LSAMP: variants seen among roughly 807,000 people sequenced by gnomAD.
The protein encoded by LSAMP is limbic system associated membrane protein, also known as limbic system-associated membrane protein.
A neutral mutation model predicts 38.6 loss-of-function variants in LSAMP; 7 were observed. That is an observed-to-expected ratio of 0.18 (90% CI 0.10 to 0.34). The LOEUF is 0.34. LSAMP is among the 10% of genes least tolerant of loss of function. LSAMP has a pLI of 1.00. For synonymous variants in LSAMP, 154 were observed against 166.8 expected (o/e 0.92, Z 0.59); for missense variants, 313 against 420.0 (o/e 0.75, Z 2.23).
intron 1 of LSAMP, among the ~76,000 whole-genome samples, chr3:116,116,094 A>AT (rs771453075): frequency 2.3e-5 from 3 of 128,472 alleles, no homozygotes; most frequent in Non-Finnish European, 5.0e-5. Context: ...CCTATAATAT[A>AT]TTTTTTTCTT....
intron 1 of LSAMP, among the ~76,000 whole-genome samples, chr3:116,301,246 G>A (rs528906890): frequency 6.6e-6 from 1 of 152,150 alleles, no homozygotes; most frequent in Non-Finnish European, 1.5e-5. Context: ...ATTTTACCAA[G>A]GCTGAAGAGT....
chr3:116,276,309 C>T (rs1432188995), intron 1 of LSAMP, among the ~76,000 whole-genome samples: 1 of 152,172 alleles, frequency 6.6e-6, no homozygotes, highest in East Asian at 1.9e-4. Flanking sequence ...AAAGATCAGT[C>T]TTTGCACAAT....
intron 3 of LSAMP, among the ~76,000 whole-genome samples, chr3:115,871,729 C>T (rs1233439937): frequency 6.6e-6 from 1 of 151,894 alleles, no homozygotes; most frequent in Non-Finnish European, 1.5e-5. Context: ...GCTAGACTTT[C>T]CTTGGTTACT....
chr3:116,067,722 A>G (rs1397798369), intron 2 of LSAMP, among the ~76,000 whole-genome samples: 1 of 152,120 alleles, frequency 6.6e-6, no homozygotes. Context: ...ACTTGATATG[A>G]CTGTCTGATA....
chr3:115,962,328 G>A (rs1055805703), intron 3 of LSAMP, among the ~76,000 whole-genome samples: 1 of 152,164 alleles, frequency 6.6e-6, no homozygotes, highest in Non-Finnish European at 1.5e-5. Context: ...GAGGCAATGA[G>A]TATGATAGTA....
At position 116,242,978 on chromosome 3, in the gene LSAMP, G is replaced by T. The variant is rs117781824; in HGVS notation, c.156-156422C>A. On this transcript the variant is annotated intron_variant, in intron 1 of 6. Transcript: ENST00000490035. ...TAATTCTCTATGAGTCATTAAGAGTGAGAGAAATTAATGTAGAGACTTGAT... is the reference window on the plus strand; with the variant it reads ...TAATTCTCTATGAGTCATTAAGAGTTAGAGAAATTAATGTAGAGACTTGAT... Among the ~76,000 whole-genome samples, 180 of 152,236 alleles carry T rather than the reference G, an allele frequency of 1.2e-3. 5 individuals are homozygous for T. In the East Asian group the frequency reaches 0.031, roughly 26 times the overall value.
intron 1 of LSAMP, among the ~76,000 whole-genome samples, chr3:116,154,127 G>A (rs1353824350): frequency 2.6e-5 from 4 of 152,098 alleles, no homozygotes; most frequent in African/African-American, 9.7e-5. Context: ...CTTTCCTGCT[G>A]TTTTGTTATA....
At chr3:115,911,782 A>AATTTTAC (rs1322189666) in intron 3 of LSAMP, among the ~76,000 whole-genome samples, 1 of 152,222 alleles carries the variant, frequency 6.6e-6, no homozygotes, top group Non-Finnish European at 1.5e-5. Flanking sequence ...ATGGCTATAC[A>AATTTTAC]ATTTTACATT....
rs370491685 is a variant in LSAMP, at chr3:116,407,967, TAAG to T, written c.155+36907_155+36909del. ...TATACTATTATAGAACCATGATGAA[TAAG>T]AAGGTACATCAGAGCCTAATGTAAG... On this transcript the variant is annotated intron_variant, in intron 1 of 6. Transcript: ENST00000490035. Among the ~76,000 whole-genome samples the T allele has an allele frequency of 2.6e-4, 40 of 152,154 alleles. No individual in the cohort carries two copies. In the South Asian group the frequency reaches 3.5e-3, roughly 13 times the overall value.
At chr3:116,410,712 C>T (rs1417236254) in intron 1 of LSAMP, among the ~76,000 whole-genome samples, 2 of 152,064 alleles carry the variant, frequency 1.3e-5, no homozygotes, top group Admixed American at 6.6e-5. Context: ...GATCCAACCC[C>T]ATAGCCACAT....
At chr3:116,425,811 G>A (rs2049187139) in intron 1 of LSAMP, among the ~76,000 whole-genome samples, 1 of 151,394 alleles carries the variant, frequency 6.6e-6, no homozygotes, top group Non-Finnish European at 1.5e-5. Context: ...TTGAGAGGAG[G>A]ATGGGCTTAA....
chr3:115,832,499 C>T (rs1012972512), intron 6 of LSAMP, among the ~76,000 whole-genome samples: 3 of 152,122 alleles, frequency 2.0e-5, no homozygotes, highest in African/African-American at 7.2e-5. Context: ...ACTTAACTGG[C>T]ACCATAAAAA....
intron 1 of LSAMP, among the ~76,000 whole-genome samples, chr3:116,410,218 T>C (rs1240128532): frequency 6.7e-6 from 1 of 150,092 alleles, no homozygotes; most frequent in Non-Finnish European, 1.5e-5. Context: ...TAGACAGTTA[T>C]ACCGAATAGG....
intron 1 of LSAMP, among the ~76,000 whole-genome samples, chr3:116,284,435 C>A (rs1022088821): frequency 6.6e-6 from 1 of 152,056 alleles, no homozygotes; most frequent in Non-Finnish European, 1.5e-5. Flanking sequence ...TCAAAAGGAC[C>A]TTGGAAGGCA....
chr3:116,162,743 T>C (rs1344013589), intron 1 of LSAMP, among the ~76,000 whole-genome samples: 2 of 140,270 alleles, frequency 1.4e-5, no homozygotes, highest in African/African-American at 2.7e-5. Context: ...TGTGTGTATA[T>C]ATACATATCG....
At chr3:115,854,411 T>G (rs1310316150) in intron 3 of LSAMP, among the ~76,000 whole-genome samples, 1 of 150,320 alleles carries the variant, frequency 6.7e-6, no homozygotes, top group Admixed American at 6.6e-5. Context: ...GCCTCCCGAG[T>G]AGCTGGGACT....
intron 6 of LSAMP, among the ~76,000 whole-genome samples, chr3:115,836,424 A>T (rs890371049): frequency 6.6e-6 from 1 of 152,210 alleles, no homozygotes; most frequent in African/African-American, 2.4e-5. Flanking sequence ...TTATAAGGAA[A>T]ACGAAACTTT....
chr3:115,990,208 G>T (rs899156691), intron 3 of LSAMP, among the ~76,000 whole-genome samples: 2 of 151,978 alleles, frequency 1.3e-5, no homozygotes, highest in Admixed American at 1.3e-4. Flanking sequence ...CTGCACTTGA[G>T]TCTTATTTGT....
intron 1 of LSAMP, among the ~76,000 whole-genome samples, chr3:116,210,161 T>C (rs2046136384): frequency 6.6e-6 from 1 of 152,178 alleles, no homozygotes; most frequent in Admixed American, 6.5e-5. Context: ...CTGTTGATGA[T>C]GGTGATAATG....
Sources: gnomAD v4.1 joint callset for allele counts (sites outside exome capture counted in the v4.1 genomes callset) on GRCh38, gnomAD v4.1.1 for gene constraint, MANE v1.5 for transcripts, NCBI Gene and HGNC (gene_info 2026-07-23, HGNC 2026-07-21) for gene names.